The following WWOX variants were observed in gnomAD, a reference collection of about 807,000 sequenced individuals.
The protein encoded by WWOX is WW domain-containing oxidoreductase.
In WWOX, 69 loss-of-function variants were observed where a neutral mutation model predicts 46.2. The ratio of observed to expected loss-of-function variants is 1.49; its 90% confidence interval spans 1.23 to 1.82. The LOEUF is 1.82. WWOX is among the 40% of genes most tolerant of loss of function. The pLI is 0.00. For missense variants in WWOX, 919 were observed against 542.6 expected (o/e 1.69, Z -6.89); for synonymous variants, 359 against 202.6 (o/e 1.77, Z -6.56).
chr16:78,459,850 G>C (rs527793619), intron 8 of WWOX, among the ~76,000 whole-genome samples: 2 of 149,654 alleles, frequency 1.3e-5, no homozygotes, highest in South Asian at 2.1e-4. Flanking sequence ...CACCCAGGCT[G>C]CTGGAGTGCA....
At chr16:78,372,674 C>A (rs4328452) in intron 5 of WWOX, among the ~76,000 whole-genome samples, 1 of 151,976 alleles carries the variant, frequency 6.6e-6, no homozygotes, top group Non-Finnish European at 1.5e-5. Context: ...GTTGAGGCTC[C>A]GTTTTTTTGT....
intron 8 of WWOX, among the ~76,000 whole-genome samples, chr16:78,689,641 C>T (rs867394359): frequency 6.6e-6 from 1 of 152,150 alleles, no homozygotes; most frequent in Admixed American, 6.5e-5. Flanking sequence ...TTGGAATACT[C>T]CTACCCTTGT....
chr16:78,901,610 C>G (rs781690703), intron 8 of WWOX, among the ~76,000 whole-genome samples: 4 of 152,206 alleles, frequency 2.6e-5, no homozygotes, highest in Non-Finnish European at 5.9e-5. Context: ...ACCTCAGCCT[C>G]CTGAGTAACT....
At chr16:78,659,943 G>A (rs1461878687) in intron 8 of WWOX, among the ~76,000 whole-genome samples, 1 of 152,096 alleles carries the variant, frequency 6.6e-6, no homozygotes, top group Non-Finnish European at 1.5e-5. Flanking sequence ...AATTTAACAT[G>A]CTGTTAGTGC....
intron 8 of WWOX, among the ~76,000 whole-genome samples, chr16:78,706,991 GT>G (rs906738304): frequency 2.0e-5 from 3 of 152,146 alleles, no homozygotes. Context: ...GAATCAGTCA[GT>G]TGCCTAGTAG....
At chr16:78,651,370 T>C (rs1466733048) in intron 8 of WWOX, among the ~76,000 whole-genome samples, 1 of 152,218 alleles carries the variant, frequency 6.6e-6, no homozygotes, top group African/African-American at 2.4e-5. Context: ...CTCTTAAATA[T>C]CTGTGGATGT....
At position 78,313,279 on chromosome 16, in the gene WWOX, C is replaced by T. The variant is rs564040168; in HGVS notation, c.517-73581C>T. On this transcript the variant is annotated intron_variant, in intron 5 of 8. Transcript: ENST00000566780. ...TCTATAAAATATGGCTTATAACTCA[C>T]CCTGTATTATAGATCTGCTGGGAAC... Among the ~76,000 whole-genome samples, 18 of 152,332 alleles carry T rather than the reference C, an allele frequency of 1.2e-4. No individual in the cohort carries two copies. In the South Asian group the frequency reaches 3.1e-3, roughly 26 times the overall value.
intron 8 of WWOX, among the ~76,000 whole-genome samples, chr16:78,457,836 A>G (rs1470212738): frequency 6.8e-6 from 1 of 147,246 alleles, no homozygotes; most frequent in Non-Finnish European, 1.5e-5. Flanking sequence ...GAATGGCCTG[A>G]TCCCGGGAGG....
chr16:78,729,187 A>G (rs1033556797), intron 8 of WWOX, among the ~76,000 whole-genome samples: 1 of 151,800 alleles, frequency 6.6e-6, no homozygotes, highest in African/African-American at 2.4e-5. Context: ...TAAAAAAAAT[A>G]AAAAATTAGC....
intron 8 of WWOX, among the ~76,000 whole-genome samples, chr16:78,829,015 C>A (rs1244979692): frequency 6.6e-6 from 1 of 152,180 alleles, no homozygotes; most frequent in Admixed American, 6.5e-5. Flanking sequence ...ACTTCTTCTC[C>A]TTGCCATTCC....
chr16:78,586,966 T>C (rs1386680272), intron 8 of WWOX, among the ~76,000 whole-genome samples: 1 of 152,122 alleles, frequency 6.6e-6, no homozygotes, highest in Non-Finnish European at 1.5e-5. Context: ...TTCTATAGCA[T>C]CTGAATTTGA....
chr16:78,857,545 C>G (rs955209870), intron 8 of WWOX, among the ~76,000 whole-genome samples: 2 of 152,256 alleles, frequency 1.3e-5, no homozygotes, highest in East Asian at 1.9e-4. Flanking sequence ...AAATCAGTCA[C>G]CCATCTACCC....
At chr16:78,839,470 A>G (rs1348086905) in intron 8 of WWOX, among the ~76,000 whole-genome samples, 2 of 152,196 alleles carry the variant, frequency 1.3e-5, no homozygotes, top group African/African-American at 4.8e-5. Flanking sequence ...GTGGATTACT[A>G]TGGATTCAGA....
intron 5 of WWOX, among the ~76,000 whole-genome samples, chr16:78,252,897 G>C (rs1422811271): frequency 6.6e-6 from 1 of 152,202 alleles, no homozygotes; most frequent in Non-Finnish European, 1.5e-5. Flanking sequence ...GGTCGGTTTA[G>C]AACAACACAG....
chr16:78,744,581 G>C (rs547831335), intron 8 of WWOX, among the ~76,000 whole-genome samples: 2 of 151,820 alleles, frequency 1.3e-5, no homozygotes, highest in Non-Finnish European at 2.9e-5. Context: ...ACAGGCACCT[G>C]CCACCACACC....
At chr16:78,957,890 C>G (rs2046200150) in intron 8 of WWOX, among the ~76,000 whole-genome samples, 2 of 152,216 alleles carry the variant, frequency 1.3e-5, no homozygotes, top group Admixed American at 1.3e-4. Context: ...GGACACATGA[C>G]TAATCCGCCC....
chr16:78,440,237 A>G (rs535128395), intron 8 of WWOX, among the ~76,000 whole-genome samples: 2 of 152,306 alleles, frequency 1.3e-5, no homozygotes, highest in Admixed American at 6.5e-5. Flanking sequence ...AGAAGTGAGA[A>G]TTGAAATGAA....
At chr16:78,884,273 C>CAAAAA (rs71384384) in intron 8 of WWOX, among the ~76,000 whole-genome samples, 3 of 46,588 alleles carry the variant, frequency 6.4e-5, no homozygotes, top group African/African-American at 1.6e-4. Flanking sequence ...ACCCTGTCTC[C>CAAAAA]AAAAAAAAAA....
chr16:78,368,462 G>A (rs186070171), intron 5 of WWOX, among the ~76,000 whole-genome samples: 13 of 152,252 alleles, frequency 8.5e-5, no homozygotes, highest in African/African-American at 2.4e-4. Flanking sequence ...ATGTAGTAAG[G>A]CCTCTTTTCA....
Sources: allele counts gnomAD v4.1 joint callset (sites outside exome capture counted in the v4.1 genomes callset), GRCh38; gene constraint gnomAD v4.1.1; transcripts MANE v1.5; gene names NCBI Gene and HGNC (gene_info 2026-07-23, HGNC 2026-07-21).